STXBP4: variants seen among roughly 807,000 people sequenced by gnomAD.
The protein encoded by STXBP4 is syntaxin binding protein 4.
Under a neutral mutation model 76.1 loss-of-function variants are expected in STXBP4, and 55 were observed. That is an observed-to-expected ratio of 0.72 (90% confidence interval 0.58 to 0.91). STXBP4 has a LOEUF of 0.91. STXBP4 is among the 40% of genes least tolerant of loss of function. STXBP4 has a pLI of 0.00. For synonymous variants in STXBP4, 201 were observed against 220.2 expected (o/e 0.91, Z 0.77); for missense variants, 618 against 636.9 (o/e 0.97, Z 0.32).
At chr17:55,104,558 G>A (rs559532286) in intron 16 of STXBP4, among the ~76,000 whole-genome samples, 19 of 152,266 alleles carry the variant, frequency 1.2e-4, no homozygotes, top group Middle Eastern at 3.4e-3. Context: ...TTGCATTGTC[G>A]TTCATCAGGG....
At chr17:55,073,709 A>T (rs1310045540) in intron 13 of STXBP4, among the ~76,000 whole-genome samples, 1 of 152,094 alleles carries the variant, frequency 6.6e-6, no homozygotes, top group Non-Finnish European at 1.5e-5. Context: ...GCTCACTGCA[A>T]CCTCCGCCTC....
intron 16 of STXBP4, among the ~76,000 whole-genome samples, chr17:55,107,887 GCA>G (rs1227964144): frequency 6.6e-6 from 1 of 152,206 alleles, no homozygotes; most frequent in Non-Finnish European, 1.5e-5. Flanking sequence ...CTGTCAGGAA[GCA>G]CAGAGGTCAG....
In STXBP4 at chr17:55,166,099, T is replaced by C. The variant is rs1273951148; in HGVS notation, c.*6188T>C. 2.6e-5 allele frequency: 4 copies of C among 152,212 alleles called. No individual in the cohort carries two copies. Among genetic ancestry groups the C allele is most frequent in the Non-Finnish European group, 5.9e-5 (4 of 68,028 alleles). 9.4% of individuals were successfully genotyped at this position (152,212 alleles called of 1,614,324 possible). ...TTGCTCAGGATCCATTTATTCCCTA[T>C]TCCTGGTGTTTCTTTGTAGAGAGTG... is the stretch of plus-strand genomic sequence containing the variant. On this transcript the variant is annotated 3_prime_UTR_variant, in exon 18 of 18. Coordinates refer to ENST00000376352, the MANE Select transcript of STXBP4 (RefSeq NM_178509.6).
rs1025659183 is a variant in STXBP4 at position 55,161,603 on chromosome 17, C to T, written c.*1692C>T. On this transcript the variant is annotated 3_prime_UTR_variant, in exon 18 of 18. Coordinates refer to ENST00000376352, the MANE Select transcript of STXBP4 (RefSeq NM_178509.6). ...AATCAAAGTACTCAGGCACACAGCC[C>T]ACTGACAAGAGACACCTCATCCATT... 1 of 152,138 alleles carries T rather than the reference C, an allele frequency of 6.6e-6. No individual in the cohort carries two copies. The highest frequency in any genetic ancestry group is 2.4e-5 in the African/African-American group (1 of 41,424). The allele number at this position is 152,138 out of a possible 1,614,324, so 9.4% of individuals were successfully genotyped here.
downstream of STXBP4, chr17:55,173,634 G>T (rs146608940): frequency 2.0e-5 from 3 of 152,170 alleles, no homozygotes; most frequent in Non-Finnish European, 4.4e-5. Flanking sequence ...CAACATCCAC[G>T]TATTGGTTTT....
chr17:55,185,480 G>A, the STXBP4 span, among the ~76,000 whole-genome samples: 2 of 151,954 alleles, frequency 1.3e-5, no homozygotes. Flanking sequence ...GAGAGGAAAA[G>A]AGAATAGAAA....
chr17:54,993,427 G>A (rs2077749544), intron 4 of STXBP4, among the ~76,000 whole-genome samples: 1 of 152,110 alleles, frequency 6.6e-6, no homozygotes, highest in Non-Finnish European at 1.5e-5. Flanking sequence ...GTTGCAGTGA[G>A]CTATGATTGC....
chr17:55,056,970 A>G (rs1209856683), intron 12 of STXBP4, among the ~76,000 whole-genome samples: 2 of 152,244 alleles, frequency 1.3e-5, no homozygotes, highest in Non-Finnish European at 1.5e-5. Flanking sequence ...AACACTATCA[A>G]TAATTAAGAT....
chr17:55,204,440 AT>A, the STXBP4 span, among the ~76,000 whole-genome samples: 1 of 152,014 alleles, frequency 6.6e-6, no homozygotes, highest in Non-Finnish European at 1.5e-5. Flanking sequence ...GTGCTTTTTG[AT>A]TAATTCTTAC....
chr17:55,140,078 A>G (rs941376794), intron 16 of STXBP4, among the ~76,000 whole-genome samples: 29 of 152,030 alleles, frequency 1.9e-4, no homozygotes, highest in Admixed American at 1.9e-3. Flanking sequence ...CCAAAGTGGG[A>G]GGGTCACTTG....
At chr17:55,194,407 A>G in the STXBP4 span, among the ~76,000 whole-genome samples, 1 of 152,184 alleles carries the variant, frequency 6.6e-6, no homozygotes, top group African/African-American at 2.4e-5. Context: ...CTATTCCGGA[A>G]CAAGGGAACA....
chr17:54,984,332 C>CTTTTTTTTTTTTTTTTTTT (rs200349357), intron 1 of STXBP4, among the ~76,000 whole-genome samples: 1 of 130,284 alleles, frequency 7.7e-6, no homozygotes. Context: ...CTCTCTTTTT[C>CTTTTTTTTTTTTTTTTTTT]TTTTTTCTTT....
chr17:54,989,680 C>G (rs868291095), intron 3 of STXBP4, among the ~76,000 whole-genome samples: 16 of 152,328 alleles, frequency 1.1e-4, no homozygotes, highest in Middle Eastern at 3.4e-3. Flanking sequence ...TATTAGTAAA[C>G]AGGCAGCCCT....
chr17:55,103,999 T>C (rs1370479373), intron 16 of STXBP4, among the ~76,000 whole-genome samples: 1 of 152,226 alleles, frequency 6.6e-6, no homozygotes, highest in Non-Finnish European at 1.5e-5. Context: ...CTGCTGAAGT[T>C]GCTTATCAGC....
chr17:55,040,177 T>C (rs2078673994), intron 10 of STXBP4, among the ~76,000 whole-genome samples: 1 of 152,154 alleles, frequency 6.6e-6, no homozygotes, highest in Non-Finnish European at 1.5e-5. Flanking sequence ...AAAAAAGCCT[T>C]CAACAATGTT....
chr17:55,123,112 A>G (rs2079864828), intron 16 of STXBP4, among the ~76,000 whole-genome samples: 1 of 152,194 alleles, frequency 6.6e-6, no homozygotes. Flanking sequence ...TCAAATTTTA[A>G]TCTCAAAACT....
intron 16 of STXBP4, among the ~76,000 whole-genome samples, chr17:55,105,760 G>A (rs1567764581): frequency 3.9e-5 from 6 of 151,984 alleles, no homozygotes; most frequent in Admixed American, 2.0e-4. Context: ...TTACAGGCAT[G>A]AGCCACCGCA....
chr17:55,192,293 C>A, the STXBP4 span, among the ~76,000 whole-genome samples: 80 of 152,230 alleles, frequency 5.3e-4, no homozygotes, highest in African/African-American at 1.8e-3. Flanking sequence ...TAAATAAACT[C>A]ACAGGTATCC....
At chr17:55,068,755 G>A (rs2079084182) in intron 12 of STXBP4, among the ~76,000 whole-genome samples, 1 of 152,074 alleles carries the variant, frequency 6.6e-6, no homozygotes, top group African/African-American at 2.4e-5. Context: ...TAAAATAGGT[G>A]TGATTTTCCA....
Sources: gnomAD v4.1 joint callset for allele counts (sites outside exome capture counted in the v4.1 genomes callset) on GRCh38, gnomAD v4.1.1 for gene constraint, MANE v1.5 for transcripts, NCBI Gene and HGNC (gene_info 2026-07-23, HGNC 2026-07-21) for gene names.